EVA1C: variants seen among roughly 807,000 people sequenced by gnomAD.
EVA1C encodes eva-1 homolog C.
EVA1C carries 25 observed loss-of-function variants against 45.4 expected under a neutral mutation model. The observed-to-expected ratio is 0.55, with a 90% confidence interval of 0.40 to 0.77. EVA1C has a LOEUF of 0.77. EVA1C is among the 30% of genes least tolerant of loss of function. The probability of loss-of-function intolerance (pLI) is 0.00; values close to 1 mark genes in which losing one functional copy is unlikely to be tolerated. For missense variants in EVA1C, 479 were observed against 554.8 expected, an observed-to-expected ratio of 0.86 and a Z score of 1.37; for synonymous variants, 190 against 221.2, an observed-to-expected ratio of 0.86 and a Z score of 1.25.
intron 7 of EVA1C, among the ~76,000 whole-genome samples, chr21:32,513,366 C>T (rs2038024496): frequency 6.7e-6 from 1 of 148,256 alleles, no homozygotes; most frequent in Non-Finnish European, 1.5e-5. Flanking sequence ...ACTTTTGGTA[C>T]AGACGGGGTT....
intron 2 of EVA1C, among the ~76,000 whole-genome samples, chr21:32,457,156 A>G (rs1447336972): frequency 6.6e-6 from 1 of 152,172 alleles, no homozygotes; most frequent in African/African-American, 2.4e-5. Context: ...GTGTGGGGCT[A>G]TTTAAGGATG....
chr21:32,445,812 T>C (rs1282176403), intron 1 of EVA1C, among the ~76,000 whole-genome samples: 3 of 152,278 alleles, frequency 2.0e-5, no homozygotes, highest in Non-Finnish European at 2.9e-5. Context: ...GGATACTCCT[T>C]TGAGGAAGGT....
At chr21:32,501,157 T>G (rs1226970917) in intron 5 of EVA1C, among the ~76,000 whole-genome samples, 4 of 152,204 alleles carry the variant, frequency 2.6e-5, no homozygotes, top group African/African-American at 7.2e-5. Flanking sequence ...GATGGATATA[T>G]CATATCTTGT....
chr21:32,433,439 T>C (rs77030015), intron 1 of EVA1C, among the ~76,000 whole-genome samples: 158 of 132,546 alleles, frequency 1.2e-3, no homozygotes, highest in Middle Eastern at 7.5e-3. Flanking sequence ...GCCATCAGTA[T>C]TTCTACCTGT....
intron 1 of EVA1C, among the ~76,000 whole-genome samples, chr21:32,426,061 C>T (rs1183031107): frequency 6.6e-6 from 1 of 152,056 alleles, no homozygotes. Context: ...CGAAGGAGGT[C>T]TTCAGTTCCA....
intron 1 of EVA1C, among the ~76,000 whole-genome samples, chr21:32,451,679 C>T (rs868174585): frequency 6.6e-6 from 1 of 152,204 alleles, no homozygotes; most frequent in Non-Finnish European, 1.5e-5. Flanking sequence ...AGGGAAGAAT[C>T]CTTCCTGGCC....
At chr21:32,476,700 G>A (rs775363122) in intron 4 of EVA1C, among the ~76,000 whole-genome samples, 7 of 152,128 alleles carry the variant, frequency 4.6e-5, no homozygotes, top group South Asian at 2.1e-4. Context: ...AGGGGCATGT[G>A]TGTGATCCCC....
Position 32,448,523 on chromosome 21 carries a change from A to G in EVA1C, c.161-4789A>G, listed in dbSNP as rs185820629. 1.9e-3 allele frequency among the ~76,000 whole-genome samples: 290 copies of G among 152,078 alleles called. 3 individuals carry two copies. Among genetic ancestry groups the G allele is most frequent in the African/African-American group, 6.7e-3 (276 of 41,486 alleles). On this transcript the variant is annotated intron_variant, in intron 1 of 7. Transcript: ENST00000300255. ...CCCTAACGCTAGCTCCTCTCCTCCC[A>G]TAGGTAATGCTATCCTGGGGCCGAG...
chr21:32,419,664 G>A (rs556721341), intron 1 of EVA1C, among the ~76,000 whole-genome samples: 5 of 152,260 alleles, frequency 3.3e-5, no homozygotes, highest in South Asian at 2.1e-4. Context: ...GCAGTGAGCC[G>A]AAATCGTGCT....
intron 1 of EVA1C, among the ~76,000 whole-genome samples, chr21:32,417,973 C>A (rs928125987): frequency 6.6e-6 from 1 of 152,146 alleles, no homozygotes; most frequent in Non-Finnish European, 1.5e-5. Flanking sequence ...GGGAGGGTGA[C>A]CTTCTGCCCA....
chr21:32,447,985 G>A (rs1437064338), intron 1 of EVA1C, among the ~76,000 whole-genome samples: 11 of 152,280 alleles, frequency 7.2e-5, no homozygotes, highest in Non-Finnish European at 1.6e-4. Context: ...GATTACAAGC[G>A]TGAGCCACCG....
At chr21:32,492,707 T>C (rs1243610104) in intron 4 of EVA1C, among the ~76,000 whole-genome samples, 2 of 105,604 alleles carry the variant, frequency 1.9e-5, no homozygotes, top group African/African-American at 7.7e-5. Flanking sequence ...CAGTTTTCTT[T>C]TGTTTTTTTT....
At chr21:32,416,840 T>G (rs1309914636) in intron 1 of EVA1C, among the ~76,000 whole-genome samples, 1 of 152,034 alleles carries the variant, frequency 6.6e-6, no homozygotes, top group African/African-American at 2.4e-5. Flanking sequence ...CACATAGTGG[T>G]GAATGTGAGA....
intron 1 of EVA1C, among the ~76,000 whole-genome samples, chr21:32,441,704 G>A (rs2035179951): frequency 6.6e-6 from 1 of 152,112 alleles, no homozygotes; most frequent in South Asian, 2.1e-4. Flanking sequence ...TAAAATACAT[G>A]CAAATATATG....
chr21:32,417,656 A>G (rs1013680673), intron 1 of EVA1C, among the ~76,000 whole-genome samples: 4 of 152,172 alleles, frequency 2.6e-5, no homozygotes, highest in African/African-American at 9.7e-5. Flanking sequence ...ATTCCAGGGT[A>G]TAGAAATATG....
intron 1 of EVA1C, among the ~76,000 whole-genome samples, chr21:32,435,230 G>A (rs538181773): frequency 1.4e-5 from 2 of 148,048 alleles, no homozygotes; most frequent in East Asian, 3.9e-4. Context: ...AATTTTTTTT[G>A]TGGGGGGGAA....
At chr21:32,435,161 C>G (rs1316882314) in intron 1 of EVA1C, among the ~76,000 whole-genome samples, 5 of 152,256 alleles carry the variant, frequency 3.3e-5, no homozygotes, top group Non-Finnish European at 5.9e-5. Flanking sequence ...TCCTCTCCAT[C>G]TCCTTTATGA....
At chr21:32,465,679 G>A (rs1431640764) in intron 3 of EVA1C, among the ~76,000 whole-genome samples, 3 of 152,104 alleles carry the variant, frequency 2.0e-5, no homozygotes, top group Admixed American at 6.5e-5. Flanking sequence ...TGTAGTTTTA[G>A]TAGAGATGAG....
At chr21:32,506,996 G>C (rs531911396) in intron 7 of EVA1C, among the ~76,000 whole-genome samples, 202 of 152,292 alleles carry the variant, frequency 1.3e-3, no homozygotes, top group South Asian at 0.011. Context: ...GAATCCAAAA[G>C]TACATTTCCC....
Sources: gnomAD v4.1 joint callset for allele counts (sites outside exome capture counted in the v4.1 genomes callset) on GRCh38, gnomAD v4.1.1 for gene constraint, MANE v1.5 for transcripts, NCBI Gene and HGNC (gene_info 2026-07-23, HGNC 2026-07-21) for gene names.